ZFAND3: variants seen among roughly 807,000 people sequenced by gnomAD.
ZFAND3 encodes the protein AN1-type zinc finger protein 3.
A neutral mutation model predicts 29.6 loss-of-function variants in ZFAND3; 10 were observed. The observed-to-expected ratio is 0.34, with a 90% CI of 0.21 to 0.57. The LOEUF (loss-of-function observed/expected upper bound fraction) is 0.57. Ranked by LOEUF, ZFAND3 falls within the 20% of genes least tolerant of loss-of-function variation. The pLI is 0.86. For synonymous variants in ZFAND3, 128 were observed against 112.6 expected (o/e 1.14, Z -0.87); for missense variants, 230 against 304.5 (o/e 0.76, Z 1.82).
chr6:37,983,584 C>G (rs1211910654), intron 2 of ZFAND3, among the ~76,000 whole-genome samples: 1 of 152,030 alleles, frequency 6.6e-6, no homozygotes, highest in Admixed American at 6.5e-5. Context: ...GTCTTGAACT[C>G]CCGACCTCAG....
At chr6:37,998,323 CG>C (rs1180602884) in intron 2 of ZFAND3, among the ~76,000 whole-genome samples, 1 of 151,980 alleles carries the variant, frequency 6.6e-6, no homozygotes, top group Non-Finnish European at 1.5e-5. Context: ...AGGTGAAGCA[CG>C]GGGGAATTTT....
chr6:38,081,057 A>G (rs1286298804), intron 3 of ZFAND3, among the ~76,000 whole-genome samples: 1 of 152,064 alleles, frequency 6.6e-6, no homozygotes, highest in Admixed American at 6.6e-5. Flanking sequence ...CATTACATAT[A>G]GCCTTTATTA....
intron 2 of ZFAND3, among the ~76,000 whole-genome samples, chr6:38,014,740 G>A (rs185771792): frequency 6.6e-6 from 1 of 152,260 alleles, no homozygotes; most frequent in Admixed American, 6.5e-5. Flanking sequence ...TCTCCTGGCG[G>A]ATGGGATTGG....
chr6:38,106,763 T>C (rs1480409468), intron 4 of ZFAND3, among the ~76,000 whole-genome samples: 1 of 152,202 alleles, frequency 6.6e-6, no homozygotes, highest in Non-Finnish European at 1.5e-5. Context: ...AGCTCACTAC[T>C]GTACTTAGTT....
chr6:38,008,119 T>G (rs922796746), intron 2 of ZFAND3, among the ~76,000 whole-genome samples: 14 of 152,152 alleles, frequency 9.2e-5, no homozygotes, highest in African/African-American at 3.4e-4. Context: ...AGGGTTTCAG[T>G]TAGGTAACTT....
At chr6:37,873,924 T>G (rs1204470756) in intron 1 of ZFAND3, among the ~76,000 whole-genome samples, 1 of 152,218 alleles carries the variant, frequency 6.6e-6, no homozygotes, top group East Asian at 1.9e-4. Context: ...TTTTCACGTC[T>G]CAGAATAACA....
intron 4 of ZFAND3, among the ~76,000 whole-genome samples, chr6:38,109,508 C>G (rs1337448986): frequency 6.6e-6 from 1 of 151,976 alleles, no homozygotes; most frequent in Non-Finnish European, 1.5e-5. Context: ...TAAGATTGTT[C>G]TATTTGATGG....
chr6:37,852,599 C>T (rs1344106045), intron 1 of ZFAND3, among the ~76,000 whole-genome samples: 4 of 152,202 alleles, frequency 2.6e-5, no homozygotes, highest in African/African-American at 4.8e-5. Flanking sequence ...TCTGCCACCT[C>T]TTATATTTAC....
intron 2 of ZFAND3, among the ~76,000 whole-genome samples, chr6:37,954,210 TC>T (rs1301108468): frequency 7.4e-6 from 1 of 136,012 alleles, no homozygotes; most frequent in Non-Finnish European, 1.6e-5. Flanking sequence ...ATTTTCTCTT[TC>T]CTATGCTTGG....
At position 37,860,769 on chromosome 6, in the gene ZFAND3, A is replaced by G. The variant is rs1335891589; in HGVS notation, c.71+40753A>G. ...CAGTTTTTTTTTTTCAAACAGAACA[A>G]CTTGTAATTTCTGTGCCTTTATTTG... On this transcript the variant is annotated intron_variant, in intron 1 of 5. Coordinates refer to ENST00000287218, the MANE Select transcript of ZFAND3 (RefSeq NM_021943.3). Among the ~76,000 whole-genome samples, 3 of 151,270 alleles carry G rather than the reference A, an allele frequency of 2.0e-5. No individual in the cohort carries two copies. The South Asian group carries it at 6.3e-4, about 32-fold the overall frequency.
intron 1 of ZFAND3, among the ~76,000 whole-genome samples, chr6:37,836,724 C>A (rs1581697697): frequency 6.6e-6 from 1 of 152,216 alleles, no homozygotes; most frequent in East Asian, 1.9e-4. Context: ...TGAATTGAAA[C>A]TTCTCTTGAA....
chr6:37,959,289 C>T (rs1396657473), intron 2 of ZFAND3, among the ~76,000 whole-genome samples: 2 of 152,170 alleles, frequency 1.3e-5, no homozygotes, highest in Non-Finnish European at 1.5e-5. Flanking sequence ...ATTATCAGTG[C>T]AGTTTCTCTC....
At chr6:37,870,726 C>T (rs139646531) in intron 1 of ZFAND3, among the ~76,000 whole-genome samples, 25 of 151,998 alleles carry the variant, frequency 1.6e-4, no homozygotes, top group African/African-American at 5.6e-4. Flanking sequence ...TTCTATTGCT[C>T]AGGCTAGAGG....
chr6:38,014,671 G>T (rs922640612), intron 2 of ZFAND3, among the ~76,000 whole-genome samples: 1 of 152,184 alleles, frequency 6.6e-6, no homozygotes, highest in Non-Finnish European at 1.5e-5. Context: ...AGTGCACAGA[G>T]TATATCTGGC....
chr6:37,952,854 G>A (rs1304688251), intron 2 of ZFAND3, among the ~76,000 whole-genome samples: 2 of 151,236 alleles, frequency 1.3e-5, no homozygotes, highest in African/African-American at 4.9e-5. Context: ...TTCCACTCTC[G>A]GTGACTTTCT....
chr6:37,872,651 CT>C (rs1764715324), intron 1 of ZFAND3, among the ~76,000 whole-genome samples: 5 of 152,088 alleles, frequency 3.3e-5, no homozygotes, highest in Admixed American at 3.3e-4. Flanking sequence ...ATAGGTTTTG[CT>C]TTTTGTTTGG....
Position 37,824,519 on chromosome 6 carries a change from A to G in ZFAND3, c.71+4503A>G, listed in dbSNP as rs1045687734. 3.9e-5 allele frequency among the ~76,000 whole-genome samples: 6 copies of G among 152,262 alleles called. 1 individual carries two copies. Among genetic ancestry groups the G allele is most frequent in the Admixed American group, 3.3e-4 (5 of 15,292 alleles). On this transcript the variant is annotated intron_variant, in intron 1 of 5. Coordinates refer to ENST00000287218, the MANE Select transcript of ZFAND3 (RefSeq NM_021943.3). ...TCTAATTCTATTTAAGTACAGAAATATAATTACTATTGATATTTTGCTTTT... is the reference window on the plus strand; with the variant it reads ...TCTAATTCTATTTAAGTACAGAAATGTAATTACTATTGATATTTTGCTTTT...
chr6:37,984,059 A>G (rs1183863872), intron 2 of ZFAND3, among the ~76,000 whole-genome samples: 1 of 152,194 alleles, frequency 6.6e-6, no homozygotes, highest in Non-Finnish European at 1.5e-5. Flanking sequence ...TTTTGAAAGC[A>G]CAGTTGGATA....
rs1266204360 is a variant in ZFAND3 at position 38,153,796 on chromosome 6, C to T, written c.*1407C>T. 4.1e-6 allele frequency: 4 copies of T among 985,418 alleles called. No individual in the cohort carries two copies. Among genetic ancestry groups the T allele is most frequent in the Non-Finnish European group, 4.8e-6 (4 of 830,006 alleles). 61.0% of individuals were successfully genotyped at this position (985,418 alleles called of 1,614,324 possible). ...AGGCAGGGTGAGCAGTCCCAGTGGT[C>T]CTAGTGCCGCATCAGATCCAGGTGG... On this transcript the variant is annotated 3_prime_UTR_variant, in exon 6 of 6. Coordinates refer to ENST00000287218, the MANE Select transcript of ZFAND3 (RefSeq NM_021943.3).
Sources: allele counts gnomAD v4.1 joint callset (sites outside exome capture counted in the v4.1 genomes callset), GRCh38; gene constraint gnomAD v4.1.1; transcripts MANE v1.5; gene names NCBI Gene and HGNC (gene_info 2026-07-23, HGNC 2026-07-21).